Variants in PCDHA2 observed in about 807,000 individuals in gnomAD.
PCDHA2 encodes the protein protocadherin alpha 2, also known as protocadherin alpha-2.
A neutral mutation model predicts 66.0 loss-of-function variants in PCDHA2; 58 were observed. The observed-to-expected ratio is 0.88, with a 90% CI of 0.71 to 1.09. PCDHA2 has a LOEUF of 1.09. PCDHA2 is among the 50% of genes least tolerant of loss of function. The pLI is 0.00. For missense variants in PCDHA2, 1,267 were observed against 1,242.3 expected (o/e 1.02, Z -0.30); for synonymous variants, 634 against 554.0 (o/e 1.14, Z -2.03).
At chr5:140,873,861 A>AT (rs1198117759) in intron 1 of PCDHA2, among the ~76,000 whole-genome samples, 1 of 152,162 alleles carries the variant, frequency 6.6e-6, no homozygotes, top group Non-Finnish European at 1.5e-5. Context: ...GGTTTTCACC[A>AT]TGTTGGCCAG....
chr5:140,928,955 T>A, intron 1 of PCDHA2: 1 of 1,614,024 alleles, frequency 6.2e-7, no homozygotes, highest in Middle Eastern at 1.6e-4. Context: ...GTAATTGCCT[T>A]GGCTTGTATT....
chr5:140,915,626 GTCTCTC>G (rs57920489), intron 1 of PCDHA2, among the ~76,000 whole-genome samples: 2,942 of 146,518 alleles, frequency 0.02, 88 homozygotes, highest in African/African-American at 0.07. Context: ...GTCTCTTTCT[GTCTCTC>G]TCTCTCTCTC....
chr5:140,857,971 G>C (rs1554150955), intron 1 of PCDHA2: 3 of 1,596,810 alleles, frequency 1.9e-6, no homozygotes, highest in Non-Finnish European at 2.6e-6. Flanking sequence ...AGACTGACTC[G>C]CCACGCCAGC....
intron 1 of PCDHA2, among the ~76,000 whole-genome samples, chr5:140,933,721 C>G (rs957167505): frequency 6.6e-6 from 1 of 151,982 alleles, no homozygotes; most frequent in Non-Finnish European, 1.5e-5. Flanking sequence ...ATTGGTGATA[C>G]AGCTTTCTTA....
At position 140,796,493 on chromosome 5, in the gene PCDHA2, T is replaced by C; in HGVS notation, c.1529T>C (p.Val510Ala). The C allele has an allele frequency of 1.2e-6, 2 of 1,612,144 alleles. No individual in the cohort carries two copies. The highest frequency in any genetic ancestry group is 1.7e-6 in the Non-Finnish European group (2 of 1,179,736). ...CGCGCGTTGTCGAGCTACGTTTCGG[T>C]GCACGCGGAGAGCGGCAAGGTGTAC... The part of the protein sequence containing the change: ...GERALSSYVS[V>A]HAESGKVYAL... The change falls in exon 1 of 4, where the codon GTG becomes GCG. Residue 510 changes from valine to alanine, a missense_variant. Val to Ala is a moderately conservative substitution (Grantham distance 64). Coordinates refer to ENST00000526136, the MANE Select transcript of PCDHA2 (RefSeq NM_018905.3).
intron 3 of PCDHA2, among the ~76,000 whole-genome samples, chr5:141,007,673 A>C (rs2098339698): frequency 6.6e-6 from 1 of 152,136 alleles, no homozygotes; most frequent in African/African-American, 2.4e-5. Flanking sequence ...ACAAAGACAA[A>C]AGTTATCCTA....
chr5:140,940,494 G>C (rs553813143), intron 1 of PCDHA2, among the ~76,000 whole-genome samples: 1 of 151,724 alleles, frequency 6.6e-6, no homozygotes, highest in East Asian at 1.9e-4. Context: ...GACAAGTCTT[G>C]CTCCGTCGCT....
At chr5:140,863,736 T>C (rs2048147573) in intron 1 of PCDHA2, 1 of 249,698 alleles carries the variant, frequency 4.0e-6, no homozygotes. Context: ...AGCTCATGCC[T>C]ATTTGTAATC....
rs1432987823 is a variant in PCDHA2, at chr5:140,905,869, AAGGCCCAACAAT to A, written c.2389-73074_2389-73063del. ...AAGGAGTATTAACTCACACAATCAC[AAGGCCCAACAAT>A]AGGCCATCTGCAAGCTGAGGAGCAA... On this transcript the variant is annotated intron_variant, in intron 1 of 3. Coordinates refer to ENST00000526136, the MANE Select transcript of PCDHA2 (RefSeq NM_018905.3). 1.1e-4 allele frequency among the ~76,000 whole-genome samples: 17 copies of A among 152,326 alleles called. No individual in the cohort carries two copies. In the South Asian group the frequency reaches 3.5e-3, roughly 32 times the overall value.
chr5:140,830,379 G>A (rs2150185796), intron 1 of PCDHA2: 3 of 1,614,156 alleles, frequency 1.9e-6, no homozygotes, highest in Non-Finnish European at 1.7e-6. Flanking sequence ...TCCGGGGAGG[G>A]CCCACCCAAG....
At chr5:140,804,837 C>T (rs113821357) in intron 1 of PCDHA2, 9,273 of 420,938 alleles carry the variant, frequency 0.022, 130 homozygotes, top group Non-Finnish European at 0.029. Context: ...TACTCATTGA[C>T]AGTGTGGGAG....
intron 1 of PCDHA2, chr5:140,824,234 A>T: frequency 6.6e-7 from 1 of 1,516,800 alleles, no homozygotes; most frequent in Non-Finnish European, 9.1e-7. Context: ...TAGTACACAA[A>T]TATTGTGGTA....
At chr5:140,822,605 T>C (rs1335450895) in intron 1 of PCDHA2, 6 of 1,607,780 alleles carry the variant, frequency 3.7e-6, no homozygotes, top group Non-Finnish European at 5.1e-6. Flanking sequence ...AAGGAAATAG[T>C]GTATTTCTTT....
intron 1 of PCDHA2, chr5:140,877,106 TG>T: frequency 6.2e-7 from 1 of 1,613,554 alleles, no homozygotes. Flanking sequence ...GTGCCGCCTC[TG>T]GGCAGCAACG....
intron 1 of PCDHA2, chr5:140,867,294 T>A (rs987236296): frequency 6.6e-6 from 1 of 152,152 alleles, no homozygotes; most frequent in Admixed American, 6.5e-5. Flanking sequence ...TCAAATATCA[T>A]GTTGAATATA....
intron 1 of PCDHA2, chr5:140,884,243 C>A: frequency 6.2e-7 from 1 of 1,613,466 alleles, no homozygotes; most frequent in Non-Finnish European, 8.5e-7. Flanking sequence ...TGAGCCCGCG[C>A]TGACGGCCAC....
At chr5:140,835,694 C>T (rs1554135195) in intron 1 of PCDHA2, 1 of 1,613,768 alleles carries the variant, frequency 6.2e-7, no homozygotes, top group African/African-American at 1.3e-5. Flanking sequence ...CTCTGTGGGC[C>T]ACTGCTAGCG....
At chr5:140,872,131 A>G (rs2053496652) in intron 1 of PCDHA2, among the ~76,000 whole-genome samples, 1 of 152,148 alleles carries the variant, frequency 6.6e-6, no homozygotes, top group African/African-American at 2.4e-5. Context: ...TATCAAAGCT[A>G]GAATACTCCA....
intron 1 of PCDHA2, chr5:140,822,835 C>T: frequency 1.9e-6 from 3 of 1,614,198 alleles, no homozygotes; most frequent in South Asian, 2.2e-5. Flanking sequence ...CATAACCACC[C>T]TTTTCCTGCC....
Sources: allele counts gnomAD v4.1 joint callset (sites outside exome capture counted in the v4.1 genomes callset), GRCh38; gene constraint gnomAD v4.1.1; transcripts MANE v1.5; gene names NCBI Gene and HGNC (gene_info 2026-07-23, HGNC 2026-07-21).